SP140: variants seen among roughly 807,000 people sequenced by gnomAD.
SP140 encodes the protein SP140 nuclear body protein, also known as nuclear body protein SP140.
SP140 carries 81 observed loss-of-function variants against 125.0 expected under a neutral mutation model. The ratio of observed to expected loss-of-function variants is 0.65; its 90% CI spans 0.54 to 0.78. The LOEUF (loss-of-function observed/expected upper bound fraction) is 0.78, where lower values mean the gene tolerates loss of function less well. SP140 is among the 30% of genes least tolerant of loss of function. The pLI is 0.00. For synonymous variants in SP140, 312 were observed against 354.0 expected (o/e 0.88, Z 1.33); for missense variants, 858 against 1,037.0 (o/e 0.83, Z 2.37).
chr2:230,287,648 A>G (rs2056559973), intron 17 of SP140, among the ~76,000 whole-genome samples: 1 of 152,228 alleles, frequency 6.6e-6, no homozygotes, highest in Admixed American at 6.5e-5. Flanking sequence ...TGCTTGAGAT[A>G]TACGTGAAAT....
intron 3 of SP140, among the ~76,000 whole-genome samples, chr2:230,214,646 T>C (rs1459163670): frequency 1.3e-5 from 2 of 152,258 alleles, no homozygotes; most frequent in African/African-American, 4.8e-5. Context: ...TCTTTGTAAC[T>C]TTGCATTTCT....
At chr2:230,298,659 T>C (rs766086616) in intron 22 of SP140, among the ~76,000 whole-genome samples, 5 of 152,238 alleles carry the variant, frequency 3.3e-5, no homozygotes, top group Non-Finnish European at 7.3e-5. Context: ...CATTGACTTA[T>C]AATATCCCCA....
intron 9 of SP140, 97 bp downstream of exon 9, chr2:230,249,065 T>G: frequency 1.2e-6 from 1 of 860,918 alleles, no homozygotes; most frequent in Non-Finnish European, 1.9e-6. Flanking sequence ...ACCCTTCCCT[T>G]CTTCACATTC....
At chr2:230,200,944 T>C, upstream of SP140, 1 of 1,613,674 alleles carries the variant, frequency 6.2e-7, no homozygotes, top group Non-Finnish European at 8.5e-7. Flanking sequence ...TTCATTCATT[T>C]CTGAAGTGCC....
chr2:230,232,542 A>T (rs892589210), intron 1 of SP140, among the ~76,000 whole-genome samples: 6 of 152,388 alleles, frequency 3.9e-5, no homozygotes, highest in Middle Eastern at 3.4e-3. Flanking sequence ...CCAGAGGTCT[A>T]GTGAACTTTT....
At chr2:230,313,377 A>G (rs1404885121), downstream of SP140, among the ~76,000 whole-genome samples, 1 of 152,104 alleles carries the variant, frequency 6.6e-6, no homozygotes, top group Non-Finnish European at 1.5e-5. Flanking sequence ...GTGGCTGCTA[A>G]TTAATGCCAG....
rs781497791 is a variant in SP140, at chr2:230,237,253, T to C, written c.230T>C (p.Met77Thr). 6.2e-7 allele frequency: 1 copy of C among 1,609,548 alleles called. No individual in the cohort carries two copies. Among genetic ancestry groups the C allele is most frequent in the East Asian group, 2.2e-5 (1 of 44,774 alleles). The change falls in exon 2 of 27, where the codon ATG (methionine) becomes ACG (threonine). Residue 77 changes from methionine (M) to threonine (T), a missense_variant. Around this residue, in one of 4 missense-constraint regions of SP140, gnomAD observed 791 missense variants for 869.5 expected, o/e 0.91. Transcript: ENST00000392045. The surrounding 1 kb of genome is among the most constrained non-coding windows in gnomAD (Gnocchi z 5.4). ...GACCGCTCCTTCATCTCCGAGCAGA[T>C]GTATGAAGTAAGTAAGAATTTCCAA... ...LRDRSFISEQ[M>T]YEHFQEAFRN...
chr2:230,208,381 T>C (rs897630178), intron 1 of SP140, among the ~76,000 whole-genome samples: 2 of 152,180 alleles, frequency 1.3e-5, no homozygotes, highest in African/African-American at 4.8e-5. Context: ...CTGTGATACA[T>C]GTAATGCAGA....
chr2:230,249,823 G>GCAAAGGGCAC (rs2050079194), intron 9 of SP140, among the ~76,000 whole-genome samples: 1 of 152,208 alleles, frequency 6.6e-6, no homozygotes, highest in Non-Finnish European at 1.5e-5. Flanking sequence ...GCAGCTCCCA[G>GCAAAGGGCAC]CAAAGGGCAC....
chr2:230,272,748 A>G (rs891551903), intron 15 of SP140, among the ~76,000 whole-genome samples: 6 of 152,236 alleles, frequency 3.9e-5, no homozygotes, highest in African/African-American at 9.6e-5. Flanking sequence ...GAACAGACAC[A>G]TAGCCCAGTG....
chr2:230,238,447 C>T, intron 3 of SP140, 66 bp downstream of exon 3: 1 of 1,431,478 alleles, frequency 7.0e-7, no homozygotes, highest in Non-Finnish European at 9.6e-7. Flanking sequence ...CATTCATTCA[C>T]TCTTCATTCA....
At chr2:230,277,752 A>G (rs888518615) in intron 15 of SP140, among the ~76,000 whole-genome samples, 1 of 152,178 alleles carries the variant, frequency 6.6e-6, no homozygotes, top group Admixed American at 6.5e-5. Context: ...TTATTGGTAT[A>G]TGATGTGAGA....
rs552700048 is a variant in SP140 at position 230,212,996 on chromosome 2, G to A, written c.-322-658G>A. 8.7e-6 allele frequency: 14 copies of A among 1,614,066 alleles called. No homozygotes were observed. The East Asian group carries it at 2.2e-4, about 26-fold the overall frequency. Reference sequence around the variant, plus strand: ...TTGGGGCTTCAAGTAGGATTGGTGTGTCTCTGCTCTGCCATTCATAGGAAG... The same window carrying A: ...TTGGGGCTTCAAGTAGGATTGGTGTATCTCTGCTCTGCCATTCATAGGAAG... On this transcript the variant is annotated intron_variant, in intron 1 of 4. Transcript: ENST00000456542.
intron 17 of SP140, 59 bp from the exon 18 acceptor site, chr2:230,287,833 T>C (rs1017667013): frequency 2.8e-6 from 4 of 1,420,550 alleles, no homozygotes; most frequent in Admixed American, 2.3e-5. Context: ...TGAAAAGCTG[T>C]AATATGTGTA....
intron 15 of SP140, among the ~76,000 whole-genome samples, chr2:230,277,008 C>T (rs2054810175): frequency 6.6e-6 from 1 of 152,094 alleles, no homozygotes; most frequent in Admixed American, 6.6e-5. Context: ...GCAAAGAAAG[C>T]AGTTTCTTGA....
chr2:230,282,088 G>A (rs2055652192), intron 15 of SP140, among the ~76,000 whole-genome samples: 1 of 152,096 alleles, frequency 6.6e-6, no homozygotes, highest in Non-Finnish European at 1.5e-5. Flanking sequence ...TAGCAAACCT[G>A]CCCAAACCTT....
chr2:230,295,870 A>G (rs1019794958), intron 21 of SP140, among the ~76,000 whole-genome samples: 1 of 152,238 alleles, frequency 6.6e-6, no homozygotes, highest in Non-Finnish European at 1.5e-5. Context: ...ATCAACATTC[A>G]TTTATTCACC....
intron 12 of SP140, among the ~76,000 whole-genome samples, chr2:230,265,958 A>C (rs943411885): frequency 1.3e-5 from 2 of 152,138 alleles, no homozygotes; most frequent in Non-Finnish European, 2.9e-5. Flanking sequence ...ATAATGTGAT[A>C]ATAGAAGATT....
chr2:230,284,493 C>T (rs1483897398), intron 16 of SP140, 82 bp downstream of exon 16: 2 of 1,173,178 alleles, frequency 1.7e-6, no homozygotes, highest in Non-Finnish European at 1.2e-6. Flanking sequence ...CTGCAGTTCC[C>T]CAGAGCCAGA....
Sources: gnomAD v4.1 joint callset for allele counts (sites outside exome capture counted in the v4.1 genomes callset) on GRCh38, gnomAD v4.1.1 for gene constraint, gnomAD v4.1.1 regional missense constraint, Gnocchi (gnomAD v3.1) non-coding constraint, MANE v1.5 for transcripts, NCBI Gene and HGNC (gene_info 2026-07-23, HGNC 2026-07-21) for gene names.